The following ABCA13 variants were observed in gnomAD, a reference collection of about 807,000 sequenced individuals.
ABCA13 encodes the protein ATP binding cassette subfamily A member 13, also known as ATP-binding cassette sub-family A member 13.
Under a neutral mutation model 478.7 loss-of-function variants are expected in ABCA13, and 476 were observed. That is an observed-to-expected ratio of 0.99 (90% CI 0.92 to 1.07). ABCA13 has a LOEUF of 1.07. Ranked by LOEUF, ABCA13 falls within the 50% of genes least tolerant of loss-of-function variation. The probability of loss-of-function intolerance (pLI) is 0.00; values close to 1 mark genes in which losing one functional copy is unlikely to be tolerated. For synonymous variants in ABCA13, 2,252 were observed against 2,158.9 expected, an observed-to-expected ratio of 1.04 and a Z score of -1.20; for missense variants, 6,060 against 5,910.6, an observed-to-expected ratio of 1.03 and a Z score of -0.83.
chr7:48,407,545 A>C (rs942787483), intron 39 of ABCA13, among the ~76,000 whole-genome samples: 1 of 152,054 alleles, frequency 6.6e-6, no homozygotes, highest in African/African-American at 2.4e-5. Context: ...AATACAAATA[A>C]AAATAATAGA....
At chr7:48,363,069 T>C (rs1811133724) in intron 31 of ABCA13, among the ~76,000 whole-genome samples, 1 of 152,196 alleles carries the variant, frequency 6.6e-6, no homozygotes, top group South Asian at 2.1e-4. Flanking sequence ...GAAAATGTAC[T>C]CATTGCTTAC....
At chr7:48,235,998 G>C (rs528326314) in intron 8 of ABCA13, among the ~76,000 whole-genome samples, 1 of 152,286 alleles carries the variant, frequency 6.6e-6, no homozygotes, top group African/African-American at 2.4e-5. Context: ...TATGTTTTGA[G>C]GTTGGGTGTA....
Position 48,278,848 on chromosome 7 carries a change from G to A in ABCA13, c.7654G>A (p.Val2552Met). Residue 2552 changes from valine to methionine, a missense_variant, in exon 18 of 62, where the codon GTG becomes ATG. Coordinates refer to ENST00000435803, the MANE Select transcript of ABCA13 (RefSeq NM_152701.5). ...THFISNTKDS[V>M]KFFDTLYSIM... The stretch of plus-strand genomic sequence containing the variant: ...TTTTATCTCCAATACCAAGGACAGT[G>A]TGAAATTCTTTGACACTCTGTATTC... The A allele has an allele frequency of 6.2e-7, 1 of 1,613,586 alleles. No homozygotes were observed. Among genetic ancestry groups the A allele is most frequent in the Non-Finnish European group, 8.5e-7 (1 of 1,179,886 alleles).
At chr7:48,570,818 A>C (rs1787572528) in intron 55 of ABCA13, among the ~76,000 whole-genome samples, 1 of 152,108 alleles carries the variant, frequency 6.6e-6, no homozygotes, top group Admixed American at 6.5e-5. Flanking sequence ...GAGATGGTAA[A>C]ATTGGTTTCC....
chr7:48,200,496 G>A (rs1798523484), intron 3 of ABCA13, among the ~76,000 whole-genome samples: 1 of 152,328 alleles, frequency 6.6e-6, no homozygotes. Flanking sequence ...AACCTGGTGA[G>A]ATTCTTCACC....
intron 32 of ABCA13, among the ~76,000 whole-genome samples, chr7:48,369,918 T>A (rs1233835054): frequency 6.6e-6 from 1 of 152,096 alleles, no homozygotes; most frequent in Non-Finnish European, 1.5e-5. Flanking sequence ...TTTTTTTTAG[T>A]TCTGTGAAGA....
At chr7:48,393,685 G>C (rs1816415313) in intron 38 of ABCA13, among the ~76,000 whole-genome samples, 1 of 152,140 alleles carries the variant, frequency 6.6e-6, no homozygotes, top group African/African-American at 2.4e-5. Context: ...CTCTACCTTG[G>C]TGTTTCTAGC....
intron 18 of ABCA13, among the ~76,000 whole-genome samples, chr7:48,280,302 T>G (rs1208717281): frequency 6.6e-6 from 1 of 152,206 alleles, no homozygotes. Flanking sequence ...GCTGCTTGCT[T>G]CACAGAAAAT....
At chr7:48,267,306 T>C (rs1379905075) in intron 15 of ABCA13, among the ~76,000 whole-genome samples, 1 of 152,146 alleles carries the variant, frequency 6.6e-6, no homozygotes, top group Non-Finnish European at 1.5e-5. Context: ...CTTAGATTTG[T>C]ATTCATTTTT....
rs1293869713 is a variant in ABCA13, at chr7:48,594,569, C to A, written c.14641-141C>A. On this transcript the variant is annotated intron_variant, in intron 57 of 61. Transcript: ENST00000435803. ...CATTCTGGCTTTGTTGAGCAGAGTG[C>A]AACAAAGCCAATTGGAGAGGTGTCT... 8.6e-6 allele frequency: 6 copies of A among 695,110 alleles called. No homozygotes were observed. In the Admixed American group the frequency reaches 8.7e-5, roughly 10 times the overall value. 43.1% of individuals were successfully genotyped at this position (695,110 alleles called of 1,614,324 possible).
intron 31 of ABCA13, among the ~76,000 whole-genome samples, chr7:48,359,771 C>A (rs138050038): frequency 6.6e-6 from 1 of 152,038 alleles, no homozygotes; most frequent in South Asian, 2.1e-4. Context: ...GCAACAAAAA[C>A]CAGCTGATTT....
intron 55 of ABCA13, among the ~76,000 whole-genome samples, chr7:48,541,328 A>T (rs546096358): frequency 1.4e-4 from 22 of 152,242 alleles, no homozygotes; most frequent in African/African-American, 5.3e-4. Flanking sequence ...GATGGACACC[A>T]TCAAACATTT....
rs762147608 is a variant in ABCA13, at chr7:48,273,006, A to G, written c.3340A>G (p.Thr1114Ala). ...NKHISSVNYS[T>A]SEESSFVFPL... ...ACACATTTCTTCCGTAAATTATTCAACAAGTGAGGAGTCTTCATTTGTTTT... is the reference window on the plus strand; with the variant it reads ...ACACATTTCTTCCGTAAATTATTCAGCAAGTGAGGAGTCTTCATTTGTTTT... Residue 1114 changes from threonine (T) to alanine (A), a missense_variant, in exon 17 of 62, where the codon ACA becomes GCA. By Grantham distance (58) the Thr-to-Ala change is moderately conservative. Around this residue, in one of 3 missense-constraint regions of ABCA13, gnomAD observed 4,423 missense variants for 4,309.1 expected, o/e 1.03. Coordinates refer to ENST00000435803, the MANE Select transcript of ABCA13 (RefSeq NM_152701.5). 3.0e-5 allele frequency: 48 copies of G among 1,613,568 alleles called. No homozygotes were observed. In the African/African-American group the frequency reaches 4.8e-4, roughly 16 times the overall value.
chr7:48,462,247 C>T (rs1392054713), intron 43 of ABCA13, among the ~76,000 whole-genome samples: 1 of 152,084 alleles, frequency 6.6e-6, no homozygotes, highest in Non-Finnish European at 1.5e-5. Context: ...GGAGAATTGA[C>T]ATTATCTTGC....
chr7:48,630,491 C>A (rs1794076001), intron 59 of ABCA13, among the ~76,000 whole-genome samples: 1 of 152,188 alleles, frequency 6.6e-6, no homozygotes, highest in Non-Finnish European at 1.5e-5. Flanking sequence ...AAGACACGAT[C>A]TTGTTCTTTT....
chr7:48,445,886 C>T (rs1824234837), intron 42 of ABCA13, among the ~76,000 whole-genome samples: 1 of 152,082 alleles, frequency 6.6e-6, no homozygotes, highest in Admixed American at 6.5e-5. Flanking sequence ...GGGACACCTG[C>T]ATATCAAGGC....
chr7:48,272,245 C>T lies in ABCA13; in HGVS notation c.2579C>T (p.Ser860Phe). The change falls in exon 17 of 62, where the codon TCT (serine) becomes TTT (phenylalanine). Residue 860 changes from serine to phenylalanine, a missense_variant. Physicochemically the swap from Ser to Phe is radical, Grantham distance 155. Coordinates refer to ENST00000435803, the MANE Select transcript of ABCA13 (RefSeq NM_152701.5). The stretch of plus-strand genomic sequence containing the variant: ...AACTTCTTTACACTTTTAAATTTTT[C>T]TGTTCCAGAAAATGAGATTCTGAGT... ...LENFFTLLNF[S>F]VPENEILSTS... is the part of the protein sequence containing the mutation. 6.2e-7 allele frequency: 1 copy of T among 1,612,196 alleles called. No individual in the cohort carries two copies. Among genetic ancestry groups the T allele is most frequent in the East Asian group, 2.2e-5 (1 of 44,852 alleles).
In ABCA13 at chr7:48,403,752, G is replaced by C. The variant is rs748058574; in HGVS notation, c.11943G>C (p.Lys3981Asn). 1 of 1,613,932 alleles carries C rather than the reference G, an allele frequency of 6.2e-7. No homozygotes were observed. Among genetic ancestry groups the C allele is most frequent in the African/African-American group, 1.3e-5 (1 of 74,944 alleles). Residue 3981 changes from lysine to asparagine, a missense_variant, in exon 39 of 62, where the codon AAG becomes AAC. Lys to Asn is a moderately conservative substitution (Grantham distance 94). Transcript: ENST00000435803. ...CCCGAGCTCTGTCTGGAGGCCTGAA[G>C]AGGAAGCTCTCCCTTGGCATTGCTT... ...KQTRALSGGL[K>N]RKLSLGIAFM...
intron 32 of ABCA13, 40 bp from the exon 33 acceptor site, chr7:48,372,128 G>A (rs375131887): frequency 4.5e-5 from 69 of 1,545,140 alleles, no homozygotes; most frequent in African/African-American, 4.1e-4. Flanking sequence ...CCTCAAGTAC[G>A]CATGCTGTGG....
Sources: gnomAD v4.1 joint callset for allele counts (sites outside exome capture counted in the v4.1 genomes callset) on GRCh38, gnomAD v4.1.1 for gene constraint, gnomAD v4.1.1 regional missense constraint, MANE v1.5 for transcripts, NCBI Gene and HGNC (gene_info 2026-07-23, HGNC 2026-07-21) for gene names.